The following PKIB variants were observed in gnomAD, a reference collection of about 807,000 sequenced individuals.
PKIB encodes cAMP-dependent protein kinase inhibitor beta.
A neutral mutation model predicts 4.5 loss-of-function variants in PKIB; 2 were observed. The ratio of observed to expected loss-of-function variants is 0.44; its 90% CI spans 0.18 to 1.39. The LOEUF (loss-of-function observed/expected upper bound fraction) is 1.39, where lower values mean the gene tolerates loss of function less well. Ranked by LOEUF, PKIB falls within the 40% of genes most tolerant of loss-of-function variation. The probability of loss-of-function intolerance (pLI) is 0.27; values close to 1 mark genes in which losing one functional copy is unlikely to be tolerated. For missense variants in PKIB, 94 were observed against 92.6 expected, an observed-to-expected ratio of 1.02 and a Z score of -0.06; for synonymous variants, 38 against 36.0, an observed-to-expected ratio of 1.06 and a Z score of -0.20.
intron 4 of PKIB, among the ~76,000 whole-genome samples, chr6:122,719,947 A>G (rs1779669563): frequency 2.0e-5 from 3 of 152,216 alleles, no homozygotes; most frequent in African/African-American, 7.2e-5. Flanking sequence ...GGTAGATGAC[A>G]TAGATAATAT....
chr6:122,653,584 C>T (rs1019185396), intron 2 of PKIB, among the ~76,000 whole-genome samples: 1 of 150,230 alleles, frequency 6.7e-6, no homozygotes, highest in South Asian at 2.1e-4. Flanking sequence ...GAAACATGTA[C>T]TTTATTCTCT....
chr6:122,553,697 G>A (rs197684), intron 2 of PKIB, among the ~76,000 whole-genome samples: 124,197 of 151,680 alleles, frequency 0.82, 50,979 homozygotes, highest in South Asian at 0.92. Flanking sequence ...TGTGAAATAA[G>A]TGAACGTGTT....
intron 3 of PKIB, among the ~76,000 whole-genome samples, chr6:122,604,857 A>G (rs928050805): frequency 5.9e-5 from 9 of 152,204 alleles, no homozygotes; most frequent in African/African-American, 1.7e-4. Flanking sequence ...GGAGAGACAC[A>G]TGACTACAAT....
chr6:122,636,582 A>G (rs1775925916), intron 2 of PKIB, among the ~76,000 whole-genome samples: 1 of 152,098 alleles, frequency 6.6e-6, no homozygotes, highest in Non-Finnish European at 1.5e-5. Context: ...GCAGTAATGA[A>G]GGTTTATATT....
At chr6:122,548,754 G>A (rs1347921044) in intron 2 of PKIB, among the ~76,000 whole-genome samples, 1 of 152,106 alleles carries the variant, frequency 6.6e-6, no homozygotes, top group Non-Finnish European at 1.5e-5. Context: ...ATTAATAATA[G>A]CATTTTGGGA....
intron 2 of PKIB, among the ~76,000 whole-genome samples, chr6:122,637,420 C>G (rs1409643040): frequency 2.0e-5 from 3 of 152,072 alleles, no homozygotes; most frequent in Admixed American, 2.0e-4. Context: ...CACAGCATCA[C>G]AGAAATTTTT....
At chr6:122,543,933 T>C (rs1582688730) in intron 2 of PKIB, among the ~76,000 whole-genome samples, 1 of 152,112 alleles carries the variant, frequency 6.6e-6, no homozygotes, top group African/African-American at 2.4e-5. Flanking sequence ...CAAACTGATA[T>C]GAAATATCAT....
intron 2 of PKIB, among the ~76,000 whole-genome samples, chr6:122,661,396 C>T (rs9490515): frequency 0.016 from 2,502 of 152,242 alleles, 72 homozygotes; most frequent in African/African-American, 0.057. Context: ...TAGGCCACCA[C>T]AAATTTTTCT....
chr6:122,529,347 T>TC (rs1346216534), intron 2 of PKIB, among the ~76,000 whole-genome samples: 1 of 152,178 alleles, frequency 6.6e-6, no homozygotes, highest in Non-Finnish European at 1.5e-5. Flanking sequence ...CAGTTCCACC[T>TC]CCCCTACTTT....
At chr6:122,552,420 A>G (rs567224567) in intron 2 of PKIB, among the ~76,000 whole-genome samples, 2 of 152,126 alleles carry the variant, frequency 1.3e-5, no homozygotes, top group Non-Finnish European at 2.9e-5. Flanking sequence ...CCCATCACCC[A>G]GGCTAGAGTG....
intron 2 of PKIB, among the ~76,000 whole-genome samples, chr6:122,673,571 T>C (rs570190596): frequency 6.6e-6 from 1 of 152,284 alleles, no homozygotes; most frequent in East Asian, 1.9e-4. Flanking sequence ...AGAGCAAAGA[T>C]CATTTGAGAA....
At chr6:122,561,368 T>C (rs1003335574) in intron 2 of PKIB, among the ~76,000 whole-genome samples, 1 of 151,980 alleles carries the variant, frequency 6.6e-6, no homozygotes, top group Non-Finnish European at 1.5e-5. Context: ...CCTTTTGGAG[T>C]TGATTTTCAG....
At chr6:122,507,519 GT>G (rs1485220230) in intron 2 of PKIB, among the ~76,000 whole-genome samples, 1 of 150,826 alleles carries the variant, frequency 6.6e-6, no homozygotes, top group Non-Finnish European at 1.5e-5. Context: ...GTCTTTAGGT[GT>G]TTTTTTTGTA....
intron 2 of PKIB, among the ~76,000 whole-genome samples, chr6:122,635,681 G>A (rs1775893316): frequency 6.6e-6 from 1 of 151,856 alleles, no homozygotes; most frequent in Non-Finnish European, 1.5e-5. Flanking sequence ...ATGTTAAAGT[G>A]GTTTAGTATC....
At position 122,717,944 on chromosome 6, in the gene PKIB, G is replaced by A. The variant is rs748975089; in HGVS notation, c.150G>A (p.Glu50=). 1 of 1,613,458 alleles carries A rather than the reference G, an allele frequency of 6.2e-7. No homozygotes were observed. The highest frequency in any genetic ancestry group is 1.7e-5 in the Admixed American group (1 of 60,014). Residue 50 remains glutamate (E), a synonymous_variant, in exon 4 of 5, where the codon GAG becomes GAA. Coordinates refer to ENST00000368452, the MANE Select transcript of PKIB (RefSeq NM_181795.3). ...DGTSDLPLKL[E]ALSVKEDAKE... is the part of the protein sequence containing the mutation. ...CCTCAGATTTGCCCCTCAAACTGGA[G>A]GCTCTCTCCGTGAAGGAAGGTAATA... is the stretch of plus-strand genomic sequence containing the variant.
At chr6:122,553,039 C>A (rs1772726450) in intron 2 of PKIB, among the ~76,000 whole-genome samples, 1 of 151,958 alleles carries the variant, frequency 6.6e-6, no homozygotes, top group Admixed American at 6.6e-5. Flanking sequence ...GTTAGTAATT[C>A]TTTATTATAA....
chr6:122,511,548 G>A (rs1029535480), intron 2 of PKIB, among the ~76,000 whole-genome samples: 1 of 152,144 alleles, frequency 6.6e-6, no homozygotes, highest in Non-Finnish European at 1.5e-5. Context: ...GTGACAAAAT[G>A]TTGGGGGCAC....
chr6:122,638,634 C>G (rs1776017574), intron 2 of PKIB, among the ~76,000 whole-genome samples: 1 of 152,242 alleles, frequency 6.6e-6, no homozygotes, highest in Admixed American at 6.5e-5. Context: ...CTCTTGCCTT[C>G]TAACCCCGAT....
At chr6:122,511,764 C>T (rs1009308479) in intron 2 of PKIB, among the ~76,000 whole-genome samples, 12 of 152,302 alleles carry the variant, frequency 7.9e-5, no homozygotes, top group African/African-American at 2.4e-4. Flanking sequence ...GGAGGCAGTA[C>T]GTCATAGGCG....
Sources: gnomAD v4.1 joint callset for allele counts (sites outside exome capture counted in the v4.1 genomes callset) on GRCh38, gnomAD v4.1.1 for gene constraint, MANE v1.5 for transcripts, NCBI Gene and HGNC (gene_info 2026-07-23, HGNC 2026-07-21) for gene names.